RORA: variants seen among roughly 807,000 people sequenced by gnomAD.
RORA encodes nuclear receptor ROR-alpha.
A neutral mutation model predicts 69.5 loss-of-function variants in RORA; 7 were observed. The ratio of observed to expected loss-of-function variants is 0.10; its 90% CI spans 0.06 to 0.19. RORA has a LOEUF of 0.19. Among genes scored for constraint, RORA ranks in the 10% least tolerant of loss-of-function variants. RORA has a pLI of 1.00. For missense variants in RORA, 457 were observed against 663.0 expected, an observed-to-expected ratio of 0.69 and a Z score of 3.41; for synonymous variants, 261 against 240.8, an observed-to-expected ratio of 1.08 and a Z score of -0.78.
intron 2 of RORA, among the ~76,000 whole-genome samples, chr15:60,550,332 T>C (rs2140388027): frequency 6.6e-6 from 1 of 152,300 alleles, no homozygotes; most frequent in East Asian, 1.9e-4. Flanking sequence ...GAGGCACATT[T>C]AAGACTTGAA....
intron 1 of RORA, among the ~76,000 whole-genome samples, chr15:60,928,539 C>T (rs1892281047): frequency 6.6e-6 from 1 of 152,138 alleles, no homozygotes; most frequent in East Asian, 1.9e-4. Context: ...AAGTAATAAT[C>T]AGAAGTGGAG....
chr15:60,732,129 C>A (rs749842175), intron 1 of RORA, among the ~76,000 whole-genome samples: 1 of 152,154 alleles, frequency 6.6e-6, no homozygotes, highest in Non-Finnish European at 1.5e-5. Context: ...AAAGACGTTG[C>A]CTTAAAATGT....
intron 1 of RORA, among the ~76,000 whole-genome samples, chr15:60,780,105 G>A (rs1292893632): frequency 6.6e-6 from 1 of 152,160 alleles, no homozygotes; most frequent in East Asian, 1.9e-4. Flanking sequence ...TAGCTGAGCT[G>A]TAATGAATAT....
At chr15:61,095,712 T>A (rs968243927) in intron 1 of RORA, among the ~76,000 whole-genome samples, 8 of 152,162 alleles carry the variant, frequency 5.3e-5, no homozygotes, top group Admixed American at 1.3e-4. Context: ...GCAAATCAGA[T>A]TACAAATAAG....
rs538797601 is a variant in RORA at position 60,654,176 on chromosome 15, A to T, written c.196+24481T>A. On this transcript the variant is annotated intron_variant, in intron 2 of 10. Transcript: ENST00000335670. ...AGAAGTCTTATTTCTTCTCTTTGCA[A>T]ATGAAGATTCCAATCTTCTCATCCT... Among the ~76,000 whole-genome samples the T allele has an allele frequency of 5.9e-5, 9 of 152,310 alleles. No individual in the cohort carries two copies. The East Asian group carries it at 1.7e-3, about 29-fold the overall frequency.
At chr15:61,014,113 T>C (rs1895197070) in intron 1 of RORA, among the ~76,000 whole-genome samples, 1 of 152,174 alleles carries the variant, frequency 6.6e-6, no homozygotes, top group Non-Finnish European at 1.5e-5. Flanking sequence ...AGCTCTGTAA[T>C]GAAGTACTCT....
intron 1 of RORA, among the ~76,000 whole-genome samples, chr15:60,698,839 TGTTC>T (rs1317628462): frequency 6.6e-6 from 1 of 152,130 alleles, no homozygotes; most frequent in African/African-American, 2.4e-5. Flanking sequence ...GACATTTCTT[TGTTC>T]ATTTATGATG....
intron 1 of RORA, among the ~76,000 whole-genome samples, chr15:60,981,040 A>G (rs1401527479): frequency 1.3e-5 from 2 of 151,196 alleles, no homozygotes; most frequent in Admixed American, 6.6e-5. Flanking sequence ...GAGGTTTCTT[A>G]ACTTCTCATT....
Position 60,897,946 on chromosome 15 carries a change from A to G in RORA, c.167-219260T>C, listed in dbSNP as rs1891274059. On this transcript the variant is annotated intron_variant, in intron 1 of 10. Coordinates refer to ENST00000335670, the MANE Select transcript of RORA (RefSeq NM_134261.3). Reference sequence around the variant, plus strand: ...CCATATTGGATTAGAAAAAGACTTGATATTTCCCTCCACCTTTACCTCCTT... The same window carrying G: ...CCATATTGGATTAGAAAAAGACTTGGTATTTCCCTCCACCTTTACCTCCTT... 5.3e-5 allele frequency among the ~76,000 whole-genome samples: 8 copies of G among 152,338 alleles called. No homozygotes were observed. The South Asian group carries it at 1.7e-3, about 32-fold the overall frequency.
intron 2 of RORA, chr15:60,627,333 C>A (rs745753959): frequency 1.2e-6 from 2 of 1,614,222 alleles, no homozygotes; most frequent in Non-Finnish European, 1.7e-6. Flanking sequence ...GCACTCTTGC[C>A]TCAGTCTCTA....
chr15:61,175,419 G>T (rs1017372701), intron 1 of RORA, among the ~76,000 whole-genome samples: 16 of 151,882 alleles, frequency 1.1e-4, no homozygotes, highest in Middle Eastern at 3.4e-3. Context: ...TCATTTTAAA[G>T]ATAGGGGCCA....
chr15:60,513,290 T>G (rs1198216983), intron 4 of RORA, among the ~76,000 whole-genome samples: 1 of 152,230 alleles, frequency 6.6e-6, no homozygotes, highest in Non-Finnish European at 1.5e-5. Context: ...ATTCTTTCTA[T>G]GCCTACAACA....
chr15:60,702,559 C>T (rs2070999359), intron 1 of RORA, among the ~76,000 whole-genome samples: 2 of 152,140 alleles, frequency 1.3e-5, no homozygotes, highest in Admixed American at 1.3e-4. Flanking sequence ...GTCTGCAAAC[C>T]ATCAAGCAAT....
At chr15:61,094,721 G>C (rs2078763644) in intron 1 of RORA, among the ~76,000 whole-genome samples, 1 of 152,236 alleles carries the variant, frequency 6.6e-6, no homozygotes, top group Admixed American at 6.5e-5. Flanking sequence ...ATCCAGGGCT[G>C]AGCCAGATGC....
At chr15:60,516,235 T>TTA (rs376358835) in intron 3 of RORA, among the ~76,000 whole-genome samples, 6 of 40,352 alleles carry the variant, frequency 1.5e-4, no homozygotes, top group Admixed American at 1.3e-3. Flanking sequence ...ATATATATAT[T>TTA]TATATATATA....
At chr15:60,688,126 T>TA (rs1227171504) in intron 1 of RORA, among the ~76,000 whole-genome samples, 2 of 152,138 alleles carry the variant, frequency 1.3e-5, no homozygotes, top group East Asian at 3.8e-4. Context: ...AAGCATGATA[T>TA]GTTTACCAAA....
intron 1 of RORA, among the ~76,000 whole-genome samples, chr15:60,753,166 T>C (rs554409601): frequency 6.6e-6 from 1 of 152,304 alleles, no homozygotes; most frequent in African/African-American, 2.4e-5. Context: ...GAGCAGCACG[T>C]GGATGGCGTA....
rs527978280 is a variant in RORA at position 61,217,327 on chromosome 15, G to A, written c.166+11726C>T. ...GGAAGAGGTTACATGTTCACTAAAT[G>A]AGCAAGGCCCATATGACTGACTGCT... On this transcript the variant is annotated intron_variant, in intron 1 of 10. Transcript: ENST00000335670. Among the ~76,000 whole-genome samples the A allele has an allele frequency of 1.6e-4, 24 of 152,268 alleles. No homozygotes were observed. In the South Asian group the frequency reaches 5.0e-3, roughly 32 times the overall value.
At chr15:60,516,043 ATATT>A (rs1240496309) in intron 3 of RORA, among the ~76,000 whole-genome samples, 143 of 4,406 alleles carry the variant, frequency 0.032, 10 homozygotes, top group East Asian at 0.11. Flanking sequence ...ATATATTTAT[ATATT>A]TATATATATT....
Sources: gnomAD v4.1 joint callset for allele counts (sites outside exome capture counted in the v4.1 genomes callset) on GRCh38, gnomAD v4.1.1 for gene constraint, MANE v1.5 for transcripts, NCBI Gene and HGNC (gene_info 2026-07-23, HGNC 2026-07-21) for gene names.